Variants in UPK3A observed in about 807,000 individuals in gnomAD.
The protein encoded by UPK3A is uroplakin-3a.
In UPK3A, 32 loss-of-function variants were observed where a neutral mutation model predicts 27.6. That is an observed-to-expected ratio of 1.16 (90% CI 0.87 to 1.55). UPK3A has a LOEUF of 1.55. Among genes scored for constraint, UPK3A ranks in the 40% most tolerant of loss-of-function variants. The pLI is 0.00. For missense variants in UPK3A, 370 were observed against 367.9 expected (o/e 1.01, Z -0.05); for synonymous variants, 171 against 163.9 (o/e 1.04, Z -0.33).
At chr22:45,286,831 C>T (rs1258360096) in intron 2 of UPK3A, among the ~76,000 whole-genome samples, 2 of 152,146 alleles carry the variant, frequency 1.3e-5, no homozygotes, top group Non-Finnish European at 2.9e-5. Flanking sequence ...CCTGCCTCCA[C>T]GTTATTTCCC....
chr22:45,294,076 G>T (rs1203095727), intron 5 of UPK3A, among the ~76,000 whole-genome samples: 1 of 152,136 alleles, frequency 6.6e-6, no homozygotes, highest in Non-Finnish European at 1.5e-5. Context: ...GGGCCGGGGG[G>T]GTGCTGCCTG....
At chr22:45,291,567 CGT>C (rs2084161449) in intron 4 of UPK3A, among the ~76,000 whole-genome samples, 1 of 120,578 alleles carries the variant, frequency 8.3e-6, no homozygotes, top group African/African-American at 3.3e-5. Context: ...AGTGTGTGTG[CGT>C]GTGTAAGAGT....
chr22:45,292,205 T>C (rs2084166601), intron 4 of UPK3A, among the ~76,000 whole-genome samples: 1 of 151,844 alleles, frequency 6.6e-6, no homozygotes, highest in Non-Finnish European at 1.5e-5. Flanking sequence ...TGCAGCAGGG[T>C]TCCTTTGGGG....
intron 5 of UPK3A, among the ~76,000 whole-genome samples, chr22:45,294,070 C>CG (rs139732682): frequency 8.6e-5 from 13 of 151,918 alleles, no homozygotes; most frequent in Admixed American, 2.6e-4. Flanking sequence ...AGAGGAGGGC[C>CG]GGGGGGGTGC....
In UPK3A at chr22:45,288,845, C is replaced by T. The variant is rs145317089; in HGVS notation, c.489-216C>T. 1.7e-3 allele frequency among the ~76,000 whole-genome samples: 258 copies of T among 152,228 alleles called. 2 individuals are homozygous for T. The highest frequency in any genetic ancestry group is 5.9e-3 in the African/African-American group (244 of 41,536). ...GCTTCATGGATGCAGGAGGTGGCAG[C>T]TGATCCAGGGAGGGGTCCTGGGGGG... On this transcript the variant is annotated intron_variant, in intron 3 of 5. Transcript: ENST00000216211.
intron 2 of UPK3A, among the ~76,000 whole-genome samples, chr22:45,286,505 A>G (rs1057500289): frequency 2.0e-5 from 3 of 152,168 alleles, no homozygotes; most frequent in African/African-American, 7.2e-5. Context: ...AGGTGGCTCA[A>G]GATTGGTGTT....
chr22:45,291,336 G>C (rs1457270250), intron 4 of UPK3A, among the ~76,000 whole-genome samples: 1 of 149,610 alleles, frequency 6.7e-6, no homozygotes, highest in East Asian at 2.0e-4. Flanking sequence ...TGTGTGGTTA[G>C]CGTGAGAGTA....
chr22:45,292,693 C>A (rs1394372334), intron 4 of UPK3A, among the ~76,000 whole-genome samples: 1 of 151,736 alleles, frequency 6.6e-6, no homozygotes, highest in Admixed American at 6.6e-5. Flanking sequence ...TGCTTGAGCC[C>A]AAGAGCTCAA....
chr22:45,295,723 C>T lies in UPK3A; in HGVS notation c.*4C>T. 1 of 1,613,740 alleles carries T rather than the reference C, an allele frequency of 6.2e-7. No individual in the cohort carries two copies. The highest frequency in any genetic ancestry group is 8.5e-7 in the Non-Finnish European group (1 of 1,180,004). On this transcript the variant is annotated 3_prime_UTR_variant, in exon 6 of 6. Coordinates refer to ENST00000216211, the MANE Select transcript of UPK3A (RefSeq NM_006953.4). ...TTCCAGCAAGCTCCAAGACTGAGCC[C>T]AGCACCACCCCTGGGCAGCAGCATC...
intron 5 of UPK3A, among the ~76,000 whole-genome samples, chr22:45,295,190 G>A (rs1360784258): frequency 1.3e-5 from 2 of 151,964 alleles, no homozygotes; most frequent in East Asian, 1.9e-4. Context: ...TTAGGGCCAC[G>A]TGAGCTGCCG....
At chr22:45,288,019 G>A (rs1403621440) in intron 3 of UPK3A, among the ~76,000 whole-genome samples, 3 of 152,002 alleles carry the variant, frequency 2.0e-5, no homozygotes, top group East Asian at 1.9e-4. Context: ...TTTGCTCTGG[G>A]GCCCACAGAT....
chr22:45,294,275 T>C (rs540037240), intron 5 of UPK3A, among the ~76,000 whole-genome samples: 1 of 151,870 alleles, frequency 6.6e-6, no homozygotes, highest in Admixed American at 6.6e-5. Flanking sequence ...AGTGGATCCA[T>C]GGAAAGCAGC....
At chr22:45,294,198 C>CTT (rs1384591317) in intron 5 of UPK3A, among the ~76,000 whole-genome samples, 2 of 152,106 alleles carry the variant, frequency 1.3e-5, no homozygotes, top group Non-Finnish European at 2.9e-5. Flanking sequence ...ACTTTGAAGA[C>CTT]TGAGAGAGGT....
At chr22:45,289,200 A>G (rs1230657389) in intron 4 of UPK3A, 57 bp downstream of exon 4, 2 of 1,577,608 alleles carry the variant, frequency 1.3e-6, no homozygotes, top group Non-Finnish European at 1.7e-6. Flanking sequence ...AGGCGGGGCC[A>G]GCCACGGCGG....
chr22:45,289,722 C>T (rs906540453), intron 4 of UPK3A, among the ~76,000 whole-genome samples: 1 of 151,634 alleles, frequency 6.6e-6, no homozygotes, highest in African/African-American at 2.4e-5. Flanking sequence ...CCACAGCACT[C>T]CAGCCTGGTG....
At chr22:45,285,157 C>T in intron 1 of UPK3A, 92 bp downstream of exon 1, 3 of 1,220,254 alleles carry the variant, frequency 2.5e-6, no homozygotes, top group Non-Finnish European at 3.4e-6. Flanking sequence ...ATTCCTGGCG[C>T]TGGGGACCCA....
At chr22:45,289,176 A>G (rs2084141428) in intron 4 of UPK3A, 33 bp downstream of exon 4, 2 of 1,610,200 alleles carry the variant, frequency 1.2e-6, no homozygotes, top group Middle Eastern at 1.7e-4. Context: ...GGTGATGCTC[A>G]AGGGGACCCG....
chr22:45,294,413 A>AC (rs35628051), intron 5 of UPK3A, among the ~76,000 whole-genome samples: 57,181 of 149,354 alleles, frequency 0.38, 15,101 homozygotes, highest in African/African-American at 0.74. Flanking sequence ...ACCCTGGTAC[A>AC]CCCCCCCCGG....
intron 5 of UPK3A, among the ~76,000 whole-genome samples, chr22:45,293,565 C>T (rs1027539774): frequency 3.3e-5 from 5 of 152,106 alleles, no homozygotes; most frequent in East Asian, 1.9e-4. Flanking sequence ...GGCAGACAGC[C>T]GATTCAGATC....
Sources: allele counts gnomAD v4.1 joint callset (sites outside exome capture counted in the v4.1 genomes callset), GRCh38; gene constraint gnomAD v4.1.1; transcripts MANE v1.5; gene names NCBI Gene and HGNC (gene_info 2026-07-23, HGNC 2026-07-21).